BRINP3: variants seen among roughly 807,000 people sequenced by gnomAD.
The protein encoded by BRINP3 is BMP/retinoic acid-inducible neural-specific protein 3.
In BRINP3, 19 loss-of-function variants were observed where a neutral mutation model predicts 71.0. The ratio of observed to expected loss-of-function variants is 0.27; its 90% CI spans 0.19 to 0.39. The LOEUF is 0.39. BRINP3 is among the 10% of genes least tolerant of loss of function. The pLI is 1.00. For synonymous variants in BRINP3, 380 were observed against 337.7 expected (o/e 1.13, Z -1.37); for missense variants, 959 against 940.8 (o/e 1.02, Z -0.25).
At chr1:190,336,271 T>C (rs576672563) in intron 2 of BRINP3, among the ~76,000 whole-genome samples, 1 of 152,202 alleles carries the variant, frequency 6.6e-6, no homozygotes, top group South Asian at 2.1e-4. Context: ...GATTAATCTA[T>C]GTTTTACTAA....
chr1:190,304,039 T>TA (rs1664919436), intron 2 of BRINP3, among the ~76,000 whole-genome samples: 2 of 151,820 alleles, frequency 1.3e-5, no homozygotes, highest in Admixed American at 6.6e-5. Flanking sequence ...TGTTTAATTT[T>TA]AAAAAAATGG....
intron 7 of BRINP3, among the ~76,000 whole-genome samples, chr1:190,109,387 T>C (rs773761864): frequency 2.0e-5 from 3 of 152,198 alleles, no homozygotes. Flanking sequence ...ATCCCCAGTA[T>C]GTACTTACTA....
At chr1:190,453,332 T>C (rs898083413) in intron 2 of BRINP3, among the ~76,000 whole-genome samples, 2 of 145,910 alleles carry the variant, frequency 1.4e-5, no homozygotes, top group Admixed American at 1.4e-4. Flanking sequence ...GCCTTTCTCC[T>C]GCCTCAGCCT....
At chr1:190,224,945 T>A (rs963384160) in intron 6 of BRINP3, among the ~76,000 whole-genome samples, 3 of 151,834 alleles carry the variant, frequency 2.0e-5, no homozygotes, top group East Asian at 1.9e-4. Flanking sequence ...AAAACTACAA[T>A]TTAAAATGGG....
chr1:190,101,529 C>T (rs1378881218), intron 7 of BRINP3, among the ~76,000 whole-genome samples: 2 of 152,102 alleles, frequency 1.3e-5, no homozygotes, highest in Admixed American at 1.3e-4. Context: ...TTCTCAATCA[C>T]ATTCTTTCCT....
chr1:190,187,126 T>G (rs1188983691), intron 6 of BRINP3, among the ~76,000 whole-genome samples: 1 of 152,170 alleles, frequency 6.6e-6, no homozygotes, highest in Non-Finnish European at 1.5e-5. Context: ...TGATGATCAG[T>G]GATGTTGACC....
Position 190,098,083 on chromosome 1 carries a change from G to C in BRINP3, c.2236C>G (p.Leu746Val). 1.2e-6 allele frequency: 2 copies of C among 1,614,170 alleles called. No homozygotes were observed. Among genetic ancestry groups the C allele is most frequent in the Admixed American group, 1.7e-5 (1 of 60,022 alleles). Reference sequence around the variant, plus strand: ...GGCAATTTGGCATTAAACGCCTGCAGAGCAGATTGGATCCTCACCACCTCA... The same window carrying C: ...GGCAATTTGGCATTAAACGCCTGCACAGCAGATTGGATCCTCACCACCTCA... ...TSEVVRIQSA[L>V]QAFNAKLPNT... is the part of the protein sequence containing the mutation. The change falls in exon 8 of 8, where the codon CTG becomes GTG. Residue 746 changes from leucine (L) to valine (V), a missense_variant. Transcript: ENST00000367462.
At chr1:190,337,290 T>C (rs1261540175) in intron 2 of BRINP3, among the ~76,000 whole-genome samples, 1 of 152,056 alleles carries the variant, frequency 6.6e-6, no homozygotes, top group Non-Finnish European at 1.5e-5. Flanking sequence ...GACTTTGGAT[T>C]TGGACTCTGT....
At position 190,411,930 on chromosome 1, in the gene BRINP3, A is replaced by G. The variant is rs373714040; in HGVS notation, c.236+42725T>C. 2.7e-4 allele frequency among the ~76,000 whole-genome samples: 41 copies of G among 152,274 alleles called. No individual in the cohort carries two copies. The East Asian group carries it at 4.4e-3, about 16-fold the overall frequency. On this transcript the variant is annotated intron_variant, in intron 2 of 7. Transcript: ENST00000367462. ...AACAGATATGAGGAGTGGAGCTAGGAAAAAAATCGACGACTGAAATTCTGT... is the reference window on the plus strand; with the variant it reads ...AACAGATATGAGGAGTGGAGCTAGGGAAAAAATCGACGACTGAAATTCTGT...
At chr1:190,399,258 A>C (rs1311865171) in intron 2 of BRINP3, among the ~76,000 whole-genome samples, 1 of 152,058 alleles carries the variant, frequency 6.6e-6, no homozygotes, top group Non-Finnish European at 1.5e-5. Flanking sequence ...TCCCCCAAAC[A>C]AATAATAAAC....
At chr1:190,439,531 A>T (rs1486400916) in intron 2 of BRINP3, among the ~76,000 whole-genome samples, 1 of 151,672 alleles carries the variant, frequency 6.6e-6, no homozygotes, top group African/African-American at 2.4e-5. Flanking sequence ...CTGTAAGAGT[A>T]CGTGTGTGTG....
intron 6 of BRINP3, among the ~76,000 whole-genome samples, chr1:190,168,247 G>C (rs1214926232): frequency 6.6e-6 from 1 of 151,968 alleles, no homozygotes; most frequent in Non-Finnish European, 1.5e-5. Context: ...ACATAGGTCT[G>C]GCAACAAAGG....
chr1:190,255,236 C>CT (rs201421106), intron 4 of BRINP3, among the ~76,000 whole-genome samples: 18,862 of 134,506 alleles, frequency 0.14, 1,625 homozygotes, highest in South Asian at 0.28. Flanking sequence ...AAAATTCTCT[C>CT]TTTTTTTTTT....
intron 2 of BRINP3, among the ~76,000 whole-genome samples, chr1:190,423,339 T>C (rs1673501763): frequency 6.6e-6 from 1 of 151,804 alleles, no homozygotes; most frequent in Non-Finnish European, 1.5e-5. Flanking sequence ...CACATTTTAG[T>C]ATTTAGGAAT....
At position 190,172,615 on chromosome 1, in the gene BRINP3, T is replaced by C. The variant is rs1185008495; in HGVS notation, c.962-11725A>G. ...CTTGTTTATTATGAACTTGGCACCA[T>C]TGTCATTAGTCTGAAGCTGGTACAT... On this transcript the variant is annotated intron_variant, in intron 6 of 7. Coordinates refer to ENST00000367462, the MANE Select transcript of BRINP3 (RefSeq NM_199051.3). Among the ~76,000 whole-genome samples the C allele has an allele frequency of 2.6e-5, 4 of 152,290 alleles. No homozygotes were observed. The South Asian group carries it at 6.2e-4, about 24-fold the overall frequency.
In BRINP3 at chr1:190,150,264, CTATGTG is replaced by C. The variant is rs1471658453; in HGVS notation, c.1184+10398_1184+10403del. ...AATGAGTTGGTATATATGTGCATAT[CTATGTG>C]TGTGTGTGTGTGTGTGTGTACATAC... On this transcript the variant is annotated intron_variant, in intron 7 of 7. Transcript: ENST00000367462. Among the ~76,000 whole-genome samples, 7 of 131,642 alleles carry C rather than the reference CTATGTG, an allele frequency of 5.3e-5. No individual in the cohort carries two copies. In the South Asian group the frequency reaches 7.0e-4, roughly 13 times the overall value. 86.4% of individuals were successfully genotyped at this position (131,642 alleles called of 152,430 possible). A position where few individuals can be genotyped will look rare whatever the true frequency, so the allele number is the denominator to read the frequency against.
intron 2 of BRINP3, among the ~76,000 whole-genome samples, chr1:190,446,779 G>T (rs1292091896): frequency 3.3e-5 from 5 of 151,886 alleles, no homozygotes; most frequent in Admixed American, 3.3e-4. Context: ...GAATACAGTT[G>T]GTTTTTGTCA....
At position 190,446,053 on chromosome 1, in the gene BRINP3, C is replaced by T. The variant is rs529875615; in HGVS notation, c.236+8602G>A. ...TTTAATTTATAGTAACGATTATACACAATTCTCATTAAGAACTGGCTCTTC... is the reference window on the plus strand; with the variant it reads ...TTTAATTTATAGTAACGATTATACATAATTCTCATTAAGAACTGGCTCTTC... On this transcript the variant is annotated intron_variant, in intron 2 of 7. Coordinates refer to ENST00000367462, the MANE Select transcript of BRINP3 (RefSeq NM_199051.3). 3.3e-5 allele frequency among the ~76,000 whole-genome samples: 5 copies of T among 152,118 alleles called. No homozygotes were observed. In the South Asian group the frequency reaches 1.0e-3, roughly 32 times the overall value.
intron 2 of BRINP3, among the ~76,000 whole-genome samples, chr1:190,420,875 C>T (rs1201492990): frequency 6.6e-6 from 1 of 151,762 alleles, no homozygotes; most frequent in African/African-American, 2.4e-5. Flanking sequence ...AGGGAGATTT[C>T]GGCTCTTCCA....
Sources: allele counts gnomAD v4.1 joint callset (sites outside exome capture counted in the v4.1 genomes callset), GRCh38; gene constraint gnomAD v4.1.1; transcripts MANE v1.5; gene names NCBI Gene and HGNC (gene_info 2026-07-23, HGNC 2026-07-21).